The following MOCOS variants were observed in gnomAD, a reference collection of about 807,000 sequenced individuals.
MOCOS encodes human molybdenum cofactor sulfurase.
A neutral mutation model predicts 83.6 loss-of-function variants in MOCOS; 86 were observed. That is an observed-to-expected ratio of 1.03 (90% CI 0.86 to 1.23). MOCOS has a LOEUF of 1.23. Ranked by LOEUF, MOCOS falls within the 50% of genes most tolerant of loss-of-function variation. The pLI is 0.00. For missense variants in MOCOS, 1,120 were observed against 1,126.9 expected (o/e 0.99, Z 0.09); for synonymous variants, 445 against 434.7 (o/e 1.02, Z -0.29).
Position 36,203,175 on chromosome 18 carries a change from T to A in MOCOS, c.1004T>A (p.Leu335Gln), listed in dbSNP as rs767322036. 6.2e-7 allele frequency: 1 copy of A among 1,614,104 alleles called. No individual in the cohort carries two copies. The highest frequency in any genetic ancestry group is 1.1e-5 in the South Asian group (1 of 91,078). ...VIALKHGFDT[L>Q]ERLTGGMENI... Reference sequence around the variant, plus strand: ...GCGCTAAAACATGGATTTGACACCCTAGAGCGCCTCACAGGTCAGTGGACA... The same window carrying A: ...GCGCTAAAACATGGATTTGACACCCAAGAGCGCCTCACAGGTCAGTGGACA... Residue 335 changes from leucine to glutamine, a missense_variant, in exon 5 of 15, where the codon CTA becomes CAA. Physicochemically the swap from Leu to Gln is moderately radical, Grantham distance 113 (BLOSUM62 -2). Transcript: ENST00000261326.
intron 9 of MOCOS, among the ~76,000 whole-genome samples, chr18:36,233,707 C>CAATTTTTA (rs1424368467): frequency 6.6e-6 from 1 of 152,006 alleles, no homozygotes; most frequent in Non-Finnish European, 1.5e-5. Flanking sequence ...GATTATTTTT[C>CAATTTTTA]AATTTTTAAA....
At chr18:36,244,074 G>A (rs889918647) in intron 9 of MOCOS, among the ~76,000 whole-genome samples, 1 of 151,268 alleles carries the variant, frequency 6.6e-6, no homozygotes, top group African/African-American at 2.4e-5. Context: ...CCAGCTTTTT[G>A]TTCTATTTAT....
intron 8 of MOCOS, among the ~76,000 whole-genome samples, chr18:36,218,503 A>G (rs111958790): frequency 1.3e-5 from 2 of 151,832 alleles, no homozygotes; most frequent in African/African-American, 4.8e-5. Flanking sequence ...CACTTTATCC[A>G]TTTATTCATT....
Position 36,254,057 on chromosome 18 carries a change from A to G in MOCOS, c.2164+2774A>G, listed in dbSNP as rs1318740630. Among the ~76,000 whole-genome samples, 6 of 152,194 alleles carry G rather than the reference A, an allele frequency of 3.9e-5. No homozygotes were observed. In the South Asian group the frequency reaches 8.3e-4, roughly 21 times the overall value. ...GAACAAAGGTGGTAGGTGCAGAGGA[A>G]AGAAGAAAGCCTGTCTTCCTGCTCC... On this transcript the variant is annotated intron_variant, in intron 11 of 14. Transcript: ENST00000261326.
At chr18:36,230,851 G>A (rs2144932148) in intron 9 of MOCOS, among the ~76,000 whole-genome samples, 1 of 152,272 alleles carries the variant, frequency 6.6e-6, no homozygotes, top group South Asian at 2.1e-4. Context: ...TGGGGTTCAG[G>A]AGCCTGTCAA....
At chr18:36,265,126 G>A (rs572704293) in intron 13 of MOCOS, among the ~76,000 whole-genome samples, 3 of 148,100 alleles carry the variant, frequency 2.0e-5, no homozygotes, top group African/African-American at 7.4e-5. Flanking sequence ...TGGTGGAGAC[G>A]CTGTTACTGG....
intron 5 of MOCOS, 150 bp downstream of exon 5, chr18:36,203,339 C>G: frequency 1.3e-6 from 1 of 781,996 alleles, no homozygotes; most frequent in Non-Finnish European, 2.2e-6. Flanking sequence ...AACTTCAAAA[C>G]CACTTCAGAG....
intron 1 of MOCOS, among the ~76,000 whole-genome samples, chr18:36,189,499 C>T (rs2091356681): frequency 6.6e-6 from 1 of 152,180 alleles, no homozygotes; most frequent in African/African-American, 2.4e-5. Context: ...CCTCGTTCCT[C>T]CTCTCCCCTC....
chr18:36,200,164 T>G lies in MOCOS; in HGVS notation c.781T>G (p.Ser261Ala). The change falls in exon 4 of 15, where the codon TCC becomes GCC. Residue 261 changes from serine to alanine, a missense_variant. Physicochemically the swap from Ser to Ala is moderately conservative, Grantham distance 99. Transcript: ENST00000261326. ...TCACCAGGCCGACTTTGTCCCCATC[T>G]CCTTCTATAAGATCTTCGGGTTTCC... ...SAHQADFVPI[S>A]FYKIFGFPTG... 6.2e-7 allele frequency: 1 copy of G among 1,614,194 alleles called. No individual in the cohort carries two copies. The highest frequency in any genetic ancestry group is 1.1e-5 in the South Asian group (1 of 91,088).
chr18:36,268,174 G>T (rs970938529), intron 14 of MOCOS, among the ~76,000 whole-genome samples: 14 of 152,152 alleles, frequency 9.2e-5, no homozygotes, highest in Admixed American at 3.3e-4. Context: ...TTCCCCAAAA[G>T]GCTTTTACAT....
At chr18:36,227,265 T>G (rs1306668356) in intron 9 of MOCOS, among the ~76,000 whole-genome samples, 1 of 152,142 alleles carries the variant, frequency 6.6e-6, no homozygotes, top group African/African-American at 2.4e-5. Context: ...GTGGTCTCAC[T>G]CTGTTGCCCA....
intron 9 of MOCOS, 94 bp downstream of exon 9, chr18:36,220,311 G>C (rs2144921887): frequency 3.4e-6 from 5 of 1,491,088 alleles, no homozygotes; most frequent in Non-Finnish European, 4.6e-6. Context: ...TAACCCATCA[G>C]CCTGGGCAAT....
intron 11 of MOCOS, among the ~76,000 whole-genome samples, chr18:36,253,395 C>T (rs1568067289): frequency 6.6e-6 from 1 of 152,228 alleles, no homozygotes; most frequent in Admixed American, 6.5e-5. Flanking sequence ...AGGCCAGGCG[C>T]GGTGGCTCAC....
intron 12 of MOCOS, among the ~76,000 whole-genome samples, chr18:36,258,024 G>C (rs556130480): frequency 1.3e-5 from 2 of 152,308 alleles, no homozygotes; most frequent in South Asian, 2.1e-4. Context: ...GAGAGCAAAA[G>C]TGTGATGCAG....
chr18:36,195,367 C>T (rs199927141), intron 2 of MOCOS, 21 bp downstream of exon 2: 1 of 1,595,126 alleles, frequency 6.3e-7, no homozygotes, highest in South Asian at 1.1e-5. Context: ...ACACCTGAAA[C>T]AGGTTTTAGT....
Position 36,199,829 on chromosome 18 carries a change from C to T in MOCOS, c.446C>T (p.Thr149Ile). The T allele has an allele frequency of 6.2e-7, 1 of 1,614,144 alleles. No individual in the cohort carries two copies. The highest frequency in any genetic ancestry group is 1.1e-5 in the South Asian group (1 of 91,086). ...AGTGGGAGTCGCTTCTGTTACCTCA[C>T]CGACAGCCACACCTCCGTAGTGGGT... ...ESSGSRFCYLTDSHTSVVGMR... is the reference protein window; with the variant it reads ...ESSGSRFCYLIDSHTSVVGMR... Residue 149 changes from threonine (T) to isoleucine (I), a missense_variant, in exon 4 of 15, where the codon ACC becomes ATC. By Grantham distance (89) the Thr-to-Ile change is moderately conservative. Coordinates refer to ENST00000261326, the MANE Select transcript of MOCOS (RefSeq NM_017947.4).
At chr18:36,250,269 G>C (rs1185320413) in intron 10 of MOCOS, among the ~76,000 whole-genome samples, 1 of 152,198 alleles carries the variant, frequency 6.6e-6, no homozygotes, top group Admixed American at 6.5e-5. Context: ...GTAGGTCTGT[G>C]CTCAGTAGAT....
rs112247375 is a variant in MOCOS, at chr18:36,215,435, A to G, written c.1336-81A>G. On this transcript the variant is annotated intron_variant, in intron 7 of 14. Transcript: ENST00000261326. ...TTCCTGGGTTAATTTTAAAATTAAC[A>G]AAATTTATTTTGCCGAACTGTTTCC... The G allele has an allele frequency of 6.6e-6, 9 of 1,360,368 alleles. No individual in the cohort carries two copies. In the South Asian group the frequency reaches 7.4e-5, roughly 11 times the overall value. 84.3% of individuals were successfully genotyped at this position (1,360,368 alleles called of 1,614,324 possible). A position where few individuals can be genotyped will look rare whatever the true frequency, so the allele number is the denominator to read the frequency against.
intron 1 of MOCOS, chr18:36,189,689 G>A (rs944405417): frequency 5.9e-5 from 9 of 152,160 alleles, no homozygotes; most frequent in Admixed American, 2.0e-4. Flanking sequence ...GGAAGCCTTC[G>A]TGCTGAATCA....
Sources: gnomAD v4.1 joint callset for allele counts (sites outside exome capture counted in the v4.1 genomes callset) on GRCh38, gnomAD v4.1.1 for gene constraint, MANE v1.5 for transcripts, NCBI Gene and HGNC (gene_info 2026-07-23, HGNC 2026-07-21) for gene names.